The following SNX8 variants were observed in gnomAD, a reference collection of about 807,000 sequenced individuals.
SNX8 encodes the protein sorting nexin-8.
SNX8 carries 25 observed loss-of-function variants against 51.6 expected under a neutral mutation model. That is an observed-to-expected ratio of 0.48 (90% CI 0.35 to 0.68). SNX8 has a LOEUF of 0.68. Among genes scored for constraint, SNX8 ranks in the 30% least tolerant of loss-of-function variants. The pLI is 0.00. For synonymous variants in SNX8, 324 were observed against 277.0 expected (o/e 1.17, Z -1.68); for missense variants, 695 against 624.0 (o/e 1.11, Z -1.21).
chr7:2,275,421 C>T (rs4549678), intron 2 of SNX8, among the ~76,000 whole-genome samples, 192 bp from the exon 3 acceptor site: 62,906 of 152,086 alleles, frequency 0.41, 13,506 homozygotes, highest in Middle Eastern at 0.5. Context: ...GCTCTTAGGC[C>T]GGGTGCGGTG....
At chr7:2,345,123 T>C (rs986295945) in intron 1 of SNX8, among the ~76,000 whole-genome samples, 6 of 152,158 alleles carry the variant, frequency 3.9e-5, no homozygotes, top group African/African-American at 1.4e-4. Flanking sequence ...CTCTAAACTA[T>C]AGCTCATAGA....
chr7:2,336,514 C>T (rs533837659), intron 1 of SNX8, among the ~76,000 whole-genome samples: 1 of 151,864 alleles, frequency 6.6e-6, no homozygotes, highest in South Asian at 2.1e-4. Flanking sequence ...TGAAACCAGC[C>T]TGCCTAACGC....
intron 1 of SNX8, among the ~76,000 whole-genome samples, chr7:2,305,109 A>T (rs1284942365): frequency 6.6e-6 from 1 of 152,010 alleles, no homozygotes; most frequent in African/African-American, 2.4e-5. Context: ...GCTGGACTCA[A>T]CAGAGCACCG....
chr7:2,290,379 C>T (rs941138002), intron 1 of SNX8, among the ~76,000 whole-genome samples: 3 of 151,978 alleles, frequency 2.0e-5, no homozygotes, highest in African/African-American at 7.3e-5. Context: ...TGATGCATGC[C>T]TGTAATTCCA....
At chr7:2,313,782 A>C (rs771621979) in intron 1 of SNX8, among the ~76,000 whole-genome samples, 5 of 152,174 alleles carry the variant, frequency 3.3e-5, no homozygotes, top group Non-Finnish European at 7.4e-5. Flanking sequence ...GATCACTTGA[A>C]AGAGAGAGAA....
chr7:2,313,795 G>A (rs1413839771), intron 1 of SNX8, among the ~76,000 whole-genome samples: 2 of 152,212 alleles, frequency 1.3e-5, no homozygotes, highest in Non-Finnish European at 2.9e-5. Flanking sequence ...AGAGAGAAAA[G>A]CAGCTACACA....
intron 1 of SNX8, among the ~76,000 whole-genome samples, chr7:2,319,807 T>C (rs1285909866): frequency 9.0e-6 from 1 of 111,352 alleles, no homozygotes; most frequent in Admixed American, 1.1e-4. Context: ...AGAGCGAGAC[T>C]CCGTCTCAAA....
chr7:2,327,742 C>T (rs1270785427), intron 1 of SNX8, among the ~76,000 whole-genome samples: 12 of 151,316 alleles, frequency 7.9e-5, no homozygotes, highest in Admixed American at 3.3e-4. Context: ...CGGGGTTTCA[C>T]CGTGTTAGCC....
At chr7:2,326,501 T>TA (rs1449926471) in intron 1 of SNX8, among the ~76,000 whole-genome samples, 2 of 149,858 alleles carry the variant, frequency 1.3e-5, no homozygotes, top group African/African-American at 2.5e-5. Context: ...CCGTCTCTAC[T>TA]AAAAATACAA....
At chr7:2,269,243 C>CTG (rs1344718617) in intron 5 of SNX8, among the ~76,000 whole-genome samples, 1 of 151,256 alleles carries the variant, frequency 6.6e-6, no homozygotes, top group Admixed American at 6.6e-5. Context: ...CAACCCTGTG[C>CTG]TGTGTCCACT....
rs746486273 is a variant in SNX8 at position 2,269,539 on chromosome 7, GAAAA to G, written c.621+16_621+19del. 6 of 1,005,432 alleles carry G rather than the reference GAAAA, an allele frequency of 6.0e-6. No individual in the cohort carries two copies. The highest frequency in any genetic ancestry group is 3.9e-5 in the South Asian group (2 of 51,746). 62.3% of individuals were successfully genotyped at this position (1,005,432 alleles called of 1,614,324 possible). On this transcript the variant is annotated intron_variant, in intron 5 of 10. Coordinates refer to ENST00000222990, the MANE Select transcript of SNX8 (RefSeq NM_013321.4). ...AAAATAAATTAAAAAAAAAAAAAAAGAAAAAAAAAAGAAAAATACCTTGGCCCTG... is the reference window on the plus strand; with the variant it reads ...AAAATAAATTAAAAAAAAAAAAAAAGAAAAAAGAAAAATACCTTGGCCCTG...
At chr7:2,353,715 CCCACTCT>C (rs1328559966) in intron 1 of SNX8, among the ~76,000 whole-genome samples, 1 of 152,122 alleles carries the variant, frequency 6.6e-6, no homozygotes, top group African/African-American at 2.4e-5. Flanking sequence ...ATAAACACTC[CCCACTCT>C]CCACCCCAGC....
At chr7:2,351,947 G>A (rs1583133372) in intron 1 of SNX8, among the ~76,000 whole-genome samples, 1 of 92,042 alleles carries the variant, frequency 1.1e-5, no homozygotes, top group Non-Finnish European at 2.0e-5. Flanking sequence ...TTTGCTCGTT[G>A]CCCAGGCTGG....
intron 1 of SNX8, among the ~76,000 whole-genome samples, chr7:2,326,583 T>G (rs1778626059): frequency 6.6e-6 from 1 of 151,822 alleles, no homozygotes; most frequent in Admixed American, 6.6e-5. Context: ...GGAGAATGGC[T>G]TGAACCCAGG....
At chr7:2,353,795 G>C (rs953049230) in intron 1 of SNX8, among the ~76,000 whole-genome samples, 11 of 151,976 alleles carry the variant, frequency 7.2e-5, no homozygotes, top group African/African-American at 2.2e-4. Flanking sequence ...CTGGCGTGCG[G>C]GGGGTGGTGG....
At chr7:2,259,171 C>A (rs897586426) in intron 7 of SNX8, among the ~76,000 whole-genome samples, 1 of 152,182 alleles carries the variant, frequency 6.6e-6, no homozygotes, top group Non-Finnish European at 1.5e-5. Flanking sequence ...GGGAAGGCAG[C>A]GGAAGCGGCA....
chr7:2,257,744 C>G lies in SNX8; in HGVS notation c.975G>C (p.Gln325His). Residue 325 changes from glutamine to histidine, a missense_variant, in exon 8 of 11, where the codon CAG (glutamine) becomes CAC (histidine). Physicochemically the swap from Gln to His is conservative, Grantham distance 24. Coordinates refer to ENST00000222990, the MANE Select transcript of SNX8 (RefSeq NM_013321.4). The part of the protein sequence containing the change: ...EKLNLFLDLL[Q>H]SYKDLCERHE... ...AGCAGCCAAGACTCACCTTATAGGACTGCAGCAGATCCAAGAAGAGGTTCA... is the reference window on the plus strand; with the variant it reads ...AGCAGCCAAGACTCACCTTATAGGAGTGCAGCAGATCCAAGAAGAGGTTCA... 1 of 1,613,988 alleles carries G rather than the reference C, an allele frequency of 6.2e-7. No homozygotes were observed. Among genetic ancestry groups the G allele is most frequent in the Non-Finnish European group, 8.5e-7 (1 of 1,179,928 alleles).
intron 1 of SNX8, among the ~76,000 whole-genome samples, chr7:2,326,406 C>T (rs945092405): frequency 5.3e-5 from 8 of 152,150 alleles, no homozygotes; most frequent in Non-Finnish European, 4.4e-5. Context: ...TGGCTCACGC[C>T]TGTAATCCCA....
chr7:2,326,112 C>G (rs6965699), intron 1 of SNX8, among the ~76,000 whole-genome samples: 41,655 of 151,950 alleles, frequency 0.27, 5,817 homozygotes, highest in Middle Eastern at 0.46. Context: ...TGGCTCATGC[C>G]TATAATCCCA....
Sources: allele counts gnomAD v4.1 joint callset (sites outside exome capture counted in the v4.1 genomes callset), GRCh38; gene constraint gnomAD v4.1.1; transcripts MANE v1.5; gene names NCBI Gene and HGNC (gene_info 2026-07-23, HGNC 2026-07-21).